RALGAPA2: variants seen among roughly 807,000 people sequenced by gnomAD.
RALGAPA2 encodes the protein ral GTPase-activating protein subunit alpha-2.
Under a neutral mutation model 230.4 loss-of-function variants are expected in RALGAPA2, and 139 were observed. The observed-to-expected ratio is 0.60, with a 90% CI of 0.53 to 0.69. The LOEUF (loss-of-function observed/expected upper bound fraction) is 0.69. Among genes scored for constraint, RALGAPA2 ranks in the 30% least tolerant of loss-of-function variants. The pLI is 0.00. For missense variants in RALGAPA2, 2,163 were observed against 2,276.0 expected (o/e 0.95, Z 1.01); for synonymous variants, 847 against 837.8 (o/e 1.01, Z -0.19).
intron 37 of RALGAPA2, among the ~76,000 whole-genome samples, chr20:20,428,389 CACTT>C (rs909145849): frequency 3.7e-4 from 57 of 152,200 alleles, no homozygotes; most frequent in African/African-American, 1.3e-3. Context: ...CAAATTAAGA[CACTT>C]ACTCTTAGAA....
intron 36 of RALGAPA2, among the ~76,000 whole-genome samples, chr20:20,488,117 T>C (rs2061960330): frequency 6.6e-6 from 1 of 152,094 alleles, no homozygotes; most frequent in African/African-American, 2.4e-5. Context: ...ATGGGTTTCG[T>C]CTCCCACAAA....
chr20:20,406,892 G>A (rs1270361028), intron 38 of RALGAPA2, among the ~76,000 whole-genome samples: 1 of 152,206 alleles, frequency 6.6e-6, no homozygotes, highest in Non-Finnish European at 1.5e-5. Context: ...AGGCCTGGGC[G>A]ACAGAGTGAG....
At chr20:20,665,142 A>G (rs1466135702) in intron 3 of RALGAPA2, among the ~76,000 whole-genome samples, 2 of 152,254 alleles carry the variant, frequency 1.3e-5, no homozygotes, top group African/African-American at 4.8e-5. Context: ...AATTTTAATT[A>G]AAGAGAAAAA....
At chr20:20,461,918 C>G (rs1021762623) in intron 37 of RALGAPA2, among the ~76,000 whole-genome samples, 1 of 152,116 alleles carries the variant, frequency 6.6e-6, no homozygotes, top group African/African-American at 2.4e-5. Flanking sequence ...CTGGCTTGTT[C>G]CATGACAAGC....
At chr20:20,451,937 G>A (rs916676456) in intron 37 of RALGAPA2, among the ~76,000 whole-genome samples, 1 of 152,288 alleles carries the variant, frequency 6.6e-6, no homozygotes, top group East Asian at 1.9e-4. Context: ...ACTATAATGT[G>A]AGCTTGAAAT....
intron 20 of RALGAPA2, among the ~76,000 whole-genome samples, chr20:20,577,462 A>G (rs2145971322): frequency 6.6e-6 from 1 of 152,312 alleles, no homozygotes; most frequent in East Asian, 1.9e-4. Context: ...TTCCCACAAG[A>G]GTATCATATA....
At chr20:20,454,371 C>T (rs564537766) in intron 37 of RALGAPA2, among the ~76,000 whole-genome samples, 4 of 152,322 alleles carry the variant, frequency 2.6e-5, no homozygotes, top group African/African-American at 9.6e-5. Flanking sequence ...CTGAGGCTCT[C>T]GCACACAGCA....
intron 31 of RALGAPA2, among the ~76,000 whole-genome samples, chr20:20,519,205 C>T (rs766432511): frequency 5.3e-5 from 8 of 152,228 alleles, no homozygotes; most frequent in East Asian, 1.9e-4. Context: ...GACTTGTACA[C>T]ACCCCTGGGA....
chr20:20,585,003 G>A (rs189297010), intron 18 of RALGAPA2, 48 bp from the exon 19 acceptor site: 1 of 1,317,278 alleles, frequency 7.6e-7, no homozygotes, highest in African/African-American at 1.5e-5. Context: ...AGTTTTCATT[G>A]TTATAAGACT....
chr20:20,498,184 T>G (rs1201544239), intron 35 of RALGAPA2, among the ~76,000 whole-genome samples: 1 of 152,094 alleles, frequency 6.6e-6, no homozygotes, highest in Non-Finnish European at 1.5e-5. Context: ...ATCAGTGAGT[T>G]CGGTGAGTGC....
At chr20:20,621,534 AT>A (rs1555802343) in intron 10 of RALGAPA2, among the ~76,000 whole-genome samples, 2 of 88,330 alleles carry the variant, frequency 2.3e-5, no homozygotes, top group African/African-American at 8.8e-5. Flanking sequence ...TGTTATTATT[AT>A]TTTTTTGATA....
intron 38 of RALGAPA2, 67 bp from the exon 39 acceptor site, chr20:20,396,801 C>T: frequency 5.4e-6 from 7 of 1,302,068 alleles, no homozygotes; most frequent in Non-Finnish European, 7.8e-6. Flanking sequence ...AACTTGATAA[C>T]TAACACAGTG....
intron 35 of RALGAPA2, among the ~76,000 whole-genome samples, chr20:20,498,391 T>C (rs1350122625): frequency 6.6e-6 from 1 of 152,232 alleles, no homozygotes. Flanking sequence ...CAACTTTTCA[T>C]CCTAACAGAG....
At chr20:20,566,866 C>T (rs919104600) in intron 23 of RALGAPA2, among the ~76,000 whole-genome samples, 2 of 152,148 alleles carry the variant, frequency 1.3e-5, no homozygotes, top group African/African-American at 4.8e-5. Flanking sequence ...CTGTTATGAT[C>T]CAAATATGTT....
At chr20:20,638,000 T>C (rs1436460640) in intron 7 of RALGAPA2, among the ~76,000 whole-genome samples, 2 of 152,108 alleles carry the variant, frequency 1.3e-5, no homozygotes, top group Non-Finnish European at 2.9e-5. Context: ...GAAAATGCAT[T>C]CTCCGTATTA....
chr20:20,565,640 G>T (rs935112067), intron 23 of RALGAPA2, among the ~76,000 whole-genome samples: 4 of 152,100 alleles, frequency 2.6e-5, no homozygotes, highest in East Asian at 1.9e-4. Flanking sequence ...TAAAATTATG[G>T]TTTTTTTTAA....
At chr20:20,551,290 A>C (rs2063917336) in intron 23 of RALGAPA2, among the ~76,000 whole-genome samples, 1 of 152,248 alleles carries the variant, frequency 6.6e-6, no homozygotes, top group South Asian at 2.1e-4. Context: ...ATCTAAAATA[A>C]AATGAGGTTT....
intron 36 of RALGAPA2, among the ~76,000 whole-genome samples, chr20:20,476,487 A>G (rs1348851825): frequency 6.6e-6 from 1 of 151,940 alleles, no homozygotes; most frequent in African/African-American, 2.4e-5. Context: ...AAGACACTGG[A>G]ACAACTGGAG....
At chr20:20,454,530 CCA>C (rs2061064412) in intron 37 of RALGAPA2, among the ~76,000 whole-genome samples, 1 of 152,146 alleles carries the variant, frequency 6.6e-6, no homozygotes, top group Non-Finnish European at 1.5e-5. Context: ...ATCCTGAAAT[CCA>C]CAGATAAAAT....
Sources: allele counts gnomAD v4.1 joint callset (sites outside exome capture counted in the v4.1 genomes callset), GRCh38; gene constraint gnomAD v4.1.1; transcripts MANE v1.5; gene names NCBI Gene and HGNC (gene_info 2026-07-23, HGNC 2026-07-21).